The following RIPOR2 variants were observed in gnomAD, a reference collection of about 807,000 sequenced individuals.
RIPOR2 encodes rho family-interacting cell polarization regulator 2.
RIPOR2 carries 39 observed loss-of-function variants against 114.5 expected under a neutral mutation model. That is an observed-to-expected ratio of 0.34 (90% CI 0.26 to 0.44). RIPOR2 has a LOEUF of 0.44. RIPOR2 is among the 20% of genes least tolerant of loss of function. The probability of loss-of-function intolerance (pLI) is 1.00; values close to 1 mark genes in which losing one functional copy is unlikely to be tolerated. For synonymous variants in RIPOR2, 445 were observed against 484.4 expected (o/e 0.92, Z 1.07); for missense variants, 1,007 against 1,255.1 (o/e 0.80, Z 2.99).
intron 1 of RIPOR2, among the ~76,000 whole-genome samples, chr6:24,989,423 G>A (rs1774688306): frequency 6.6e-6 from 1 of 151,608 alleles, no homozygotes; most frequent in Non-Finnish European, 1.5e-5. Flanking sequence ...AGCCTCCTGA[G>A]TAGCTGGGAT....
intron 1 of RIPOR2, among the ~76,000 whole-genome samples, chr6:24,913,577 T>C (rs941945171): frequency 6.6e-6 from 1 of 152,082 alleles, no homozygotes; most frequent in Admixed American, 6.5e-5. Context: ...GATTGCCTGG[T>C]CCAAATCCCA....
Position 24,848,117 on chromosome 6 carries a change from C to T in RIPOR2, c.1072G>A (p.Ala358Thr), listed in dbSNP as rs35254980. ...DVEDMTASSG[A>T]GNKAAALQRR... ...TGAAGGGCTGCTGCCTTGTTCCCAG[C>T]GCCTGAGGATGCGGTCATGTCCTCC... The change falls in exon 12 of 22, where the codon GCT becomes ACT. Residue 358 changes from alanine (A) to threonine (T), a missense_variant. By Grantham distance (58) the Ala-to-Thr change is moderately conservative (BLOSUM62 0). Transcript: ENST00000643898. 3.9e-5 allele frequency: 63 copies of T among 1,613,766 alleles called. No individual in the cohort carries two copies. Among genetic ancestry groups the T allele is most frequent in the Non-Finnish European group, 4.6e-5 (54 of 1,179,814 alleles).
chr6:24,972,239 A>G (rs948494402), intron 1 of RIPOR2, among the ~76,000 whole-genome samples: 1 of 152,260 alleles, frequency 6.6e-6, no homozygotes, highest in Non-Finnish European at 1.5e-5. Context: ...TCTATGGAGA[A>G]AAAAATGTAG....
At chr6:24,947,597 G>A (rs1360244190) in intron 1 of RIPOR2, among the ~76,000 whole-genome samples, 1 of 152,130 alleles carries the variant, frequency 6.6e-6, no homozygotes, top group African/African-American at 2.4e-5. Flanking sequence ...TGGGACTGGT[G>A]GAGAAAGAAG....
chr6:24,964,723 C>T (rs958725127), intron 1 of RIPOR2, among the ~76,000 whole-genome samples: 1 of 152,118 alleles, frequency 6.6e-6, no homozygotes, highest in African/African-American at 2.4e-5. Context: ...ACTAATTTCC[C>T]AAGTGGATAT....
At chr6:24,885,204 T>C (rs939749651) in intron 1 of RIPOR2, among the ~76,000 whole-genome samples, 1 of 152,174 alleles carries the variant, frequency 6.6e-6, no homozygotes, top group African/African-American at 2.4e-5. Context: ...TTTGAAGTGG[T>C]ACCTATTTCT....
intron 1 of RIPOR2, among the ~76,000 whole-genome samples, chr6:24,949,922 G>C (rs1029683147): frequency 6.6e-6 from 1 of 152,220 alleles, no homozygotes; most frequent in Non-Finnish European, 1.5e-5. Flanking sequence ...GTACCAAATA[G>C]GAGAGTTGTT....
intron 21 of RIPOR2, among the ~76,000 whole-genome samples, chr6:24,809,116 A>C (rs560348467): frequency 1.3e-5 from 2 of 152,168 alleles, no homozygotes; most frequent in East Asian, 1.9e-4. Context: ...CCAAGTCCCC[A>C]AAAAAGAATA....
intron 1 of RIPOR2, among the ~76,000 whole-genome samples, chr6:24,919,150 C>G (rs1443615164): frequency 6.6e-6 from 1 of 152,208 alleles, no homozygotes; most frequent in Non-Finnish European, 1.5e-5. Flanking sequence ...GCCCCTCTTT[C>G]CTTCTCTGCT....
intron 1 of RIPOR2, among the ~76,000 whole-genome samples, chr6:24,890,299 C>T (rs544125774): frequency 7.9e-5 from 12 of 152,314 alleles, no homozygotes; most frequent in African/African-American, 2.6e-4. Context: ...GGTATATATA[C>T]ACAATACAAT....
intron 18 of RIPOR2, among the ~76,000 whole-genome samples, chr6:24,825,960 T>G (rs1312866666): frequency 6.7e-6 from 1 of 150,324 alleles, no homozygotes; most frequent in Non-Finnish European, 1.5e-5. Context: ...AGTCTCTTTC[T>G]TGTTGTCCAG....
intron 2 of RIPOR2, among the ~76,000 whole-genome samples, chr6:24,875,482 A>G (rs753868156): frequency 5.9e-5 from 9 of 152,254 alleles, no homozygotes; most frequent in Non-Finnish European, 1.3e-4. Flanking sequence ...CTAAATCCTC[A>G]GCCATCATCC....
intron 1 of RIPOR2, among the ~76,000 whole-genome samples, chr6:25,006,668 A>G (rs1775574894): frequency 6.6e-6 from 1 of 152,184 alleles, no homozygotes; most frequent in Non-Finnish European, 1.5e-5. Context: ...GGACTGTACC[A>G]CCAAGTGGCC....
intron 16 of RIPOR2, among the ~76,000 whole-genome samples, 159 bp from the exon 17 acceptor site, chr6:24,830,829 C>T (rs999252885): frequency 2.6e-5 from 4 of 152,062 alleles, no homozygotes; most frequent in African/African-American, 9.7e-5. Flanking sequence ...GATTCTCTTG[C>T]CTGAGCTTCC....
intron 1 of RIPOR2, among the ~76,000 whole-genome samples, chr6:25,013,299 T>C (rs1282928337): frequency 6.6e-6 from 1 of 152,178 alleles, no homozygotes; most frequent in Non-Finnish European, 1.5e-5. Flanking sequence ...AGAACAGTGA[T>C]TCTTCAGTGG....
At position 24,848,094 on chromosome 6, in the gene RIPOR2, A is replaced by C; in HGVS notation, c.1095T>G (p.Leu365=). 1 of 1,613,908 alleles carries C rather than the reference A, an allele frequency of 6.2e-7. No individual in the cohort carries two copies. The highest frequency in any genetic ancestry group is 8.5e-7 in the Non-Finnish European group (1 of 1,179,858). ...SSGAGNKAAA[L]QRRMSMYSQG... The stretch of plus-strand genomic sequence containing the variant: ...GGCTGTACATGGACATTCTCCTCTG[A>C]AGGGCTGCTGCCTTGTTCCCAGCGC... The change falls in exon 12 of 22, where the codon CTT becomes CTG. Residue 365 remains leucine (L), a synonymous_variant. Transcript: ENST00000643898.
intron 1 of RIPOR2, among the ~76,000 whole-genome samples, chr6:24,876,794 C>T (rs1765811559): frequency 6.6e-6 from 1 of 152,130 alleles, no homozygotes; most frequent in Non-Finnish European, 1.5e-5. Context: ...CAGTCTTTTG[C>T]TTGGCTTTTG....
intron 1 of RIPOR2, among the ~76,000 whole-genome samples, chr6:24,894,084 T>C (rs1767623708): frequency 6.6e-6 from 1 of 152,272 alleles, no homozygotes; most frequent in South Asian, 2.1e-4. Context: ...GGTGACCCAT[T>C]AGAGGTCAAA....
rs1581620791 is a variant in RIPOR2, at chr6:24,858,066, C to T, written c.715+2907G>A. Among the ~76,000 whole-genome samples the T allele has an allele frequency of 6.6e-6, 1 of 152,206 alleles. No homozygotes were observed. The highest frequency in any genetic ancestry group is 1.5e-5 in the Non-Finnish European group (1 of 68,034). ...TGCCTTCCTCTTTCCTGCTCCTCTCCCCAACTAGAGAGGTGAGTGGCAACC... is the reference window on the plus strand; with the variant it reads ...TGCCTTCCTCTTTCCTGCTCCTCTCTCCAACTAGAGAGGTGAGTGGCAACC... On this transcript the variant is annotated intron_variant, in intron 8 of 21. Coordinates refer to ENST00000643898, the MANE Select transcript of RIPOR2 (RefSeq NM_001286445.3). This position sits in a 1 kb window ranked among gnomAD's most constrained non-coding sequence, Gnocchi z 4.0.
Sources: gnomAD v4.1 joint callset for allele counts (sites outside exome capture counted in the v4.1 genomes callset) on GRCh38, gnomAD v4.1.1 for gene constraint, Gnocchi (gnomAD v3.1) non-coding constraint, MANE v1.5 for transcripts, NCBI Gene and HGNC (gene_info 2026-07-23, HGNC 2026-07-21) for gene names.